The following ASCC3 variants were observed in gnomAD, a reference collection of about 807,000 sequenced individuals.
The protein encoded by ASCC3 is ASC-1 complex subunit P200.
ASCC3 carries 158 observed loss-of-function variants against 256.3 expected under a neutral mutation model. The observed-to-expected ratio is 0.62, with a 90% confidence interval of 0.54 to 0.70. The LOEUF is 0.70. ASCC3 is among the 30% of genes least tolerant of loss of function. The probability of loss-of-function intolerance (pLI) is 0.00; values close to 1 mark genes in which losing one functional copy is unlikely to be tolerated. For synonymous variants in ASCC3, 948 were observed against 883.4 expected (o/e 1.07, Z -1.30); for missense variants, 2,259 against 2,626.0 (o/e 0.86, Z 3.05).
chr6:100,679,500 C>T (rs1317304292), intron 14 of ASCC3, 118 bp downstream of exon 14: 15 of 1,419,062 alleles, frequency 1.1e-5, no homozygotes, highest in Non-Finnish European at 1.3e-5. Flanking sequence ...AAGATTATAA[C>T]ATCATAAATC....
chr6:100,754,191 T>G (rs766762793), intron 10 of ASCC3, among the ~76,000 whole-genome samples: 2 of 152,192 alleles, frequency 1.3e-5, no homozygotes, highest in African/African-American at 2.4e-5. Flanking sequence ...TAATTAGTCA[T>G]AAAATATAAC....
At chr6:100,514,428 T>C (rs1364129620) in intron 39 of ASCC3, among the ~76,000 whole-genome samples, 2 of 152,192 alleles carry the variant, frequency 1.3e-5, no homozygotes, top group African/African-American at 4.8e-5. Flanking sequence ...AGACTTGTTA[T>C]GTTTCTTTAC....
intron 13 of ASCC3, among the ~76,000 whole-genome samples, chr6:100,690,839 T>C (rs868427718): frequency 6.6e-6 from 1 of 152,136 alleles, no homozygotes; most frequent in Non-Finnish European, 1.5e-5. Flanking sequence ...AGCTCAGGAC[T>C]CTCATGCAGC....
At chr6:100,592,396 C>G (rs547034145) in intron 34 of ASCC3, among the ~76,000 whole-genome samples, 2 of 151,774 alleles carry the variant, frequency 1.3e-5, no homozygotes, top group South Asian at 4.1e-4. Flanking sequence ...CTGATCTTTA[C>G]CAAATACTAT....
intron 34 of ASCC3, among the ~76,000 whole-genome samples, chr6:100,599,406 A>G (rs1027369796): frequency 6.6e-6 from 1 of 152,186 alleles, no homozygotes; most frequent in African/African-American, 2.4e-5. Flanking sequence ...GACTGAGGAA[A>G]TATCACAGAC....
chr6:100,697,212 CAA>C (rs981993102), intron 13 of ASCC3, among the ~76,000 whole-genome samples: 1 of 151,210 alleles, frequency 6.6e-6, no homozygotes, highest in African/African-American at 2.4e-5. Flanking sequence ...TGAAACAAAA[CAA>C]GATAAAAATT....
chr6:100,846,927 G>C (rs1772412795), intron 4 of ASCC3, among the ~76,000 whole-genome samples: 1 of 152,042 alleles, frequency 6.6e-6, no homozygotes, highest in Admixed American at 6.6e-5. Context: ...GAACAAGTTT[G>C]CTATCTTATT....
chr6:100,591,929 T>G (rs2114776227), intron 34 of ASCC3, among the ~76,000 whole-genome samples: 1 of 152,032 alleles, frequency 6.6e-6, no homozygotes, highest in South Asian at 2.1e-4. Context: ...TTGAAAAAAT[T>G]ACAGGTTCTT....
intron 36 of ASCC3, among the ~76,000 whole-genome samples, chr6:100,586,925 G>T (rs1202945432): frequency 1.3e-5 from 2 of 152,048 alleles, no homozygotes; most frequent in African/African-American, 4.8e-5. Context: ...TTTTTCAGTT[G>T]TAATGTTATC....
chr6:100,576,963 T>G (rs1291335095), intron 36 of ASCC3, among the ~76,000 whole-genome samples: 1 of 151,082 alleles, frequency 6.6e-6, no homozygotes, highest in Non-Finnish European at 1.5e-5. Flanking sequence ...ACTGGAGTAG[T>G]TTCATATAAT....
chr6:100,767,314 C>T lies in ASCC3; in HGVS notation c.1427G>A (p.Arg476Lys). The change falls in exon 9 of 42, where the codon AGA becomes AAA. Residue 476 changes from arginine (R) to lysine (K), a missense_variant. Around this residue, in one of 2 missense-constraint regions of ASCC3, gnomAD observed 1,839 missense variants for 2,206.7 expected, o/e 0.83. Transcript: ENST00000369162. ...CACTATTGACTGGATTCTATTGAGT[C>T]TCTTCATTCCTTTAAAAGCCAGCTG... is the stretch of plus-strand genomic sequence containing the variant. ...IGQLAFKGMK[R>K]LNRIQSIVFE... 6.2e-7 allele frequency: 1 copy of T among 1,608,362 alleles called. No individual in the cohort carries two copies. Among genetic ancestry groups the T allele is most frequent in the South Asian group, 1.1e-5 (1 of 90,624 alleles).
chr6:100,694,441 A>G (rs1040516383), intron 13 of ASCC3, among the ~76,000 whole-genome samples: 3 of 152,122 alleles, frequency 2.0e-5, no homozygotes, highest in African/African-American at 7.2e-5. Flanking sequence ...CTATGATCAC[A>G]CTACTACACT....
At chr6:100,583,580 T>C (rs967703891) in intron 36 of ASCC3, among the ~76,000 whole-genome samples, 10 of 152,254 alleles carry the variant, frequency 6.6e-5, no homozygotes, top group Non-Finnish European at 1.2e-4. Context: ...TTTGTGTCTC[T>C]ATTTCCTTGA....
At chr6:100,674,982 G>A (rs1776935896) in intron 14 of ASCC3, among the ~76,000 whole-genome samples, 3 of 152,248 alleles carry the variant, frequency 2.0e-5, no homozygotes, top group Admixed American at 6.5e-5. Context: ...GTGATGAAAT[G>A]TGGCTTGAGG....
At chr6:100,551,732 C>G (rs1189541197) in intron 36 of ASCC3, among the ~76,000 whole-genome samples, 2 of 151,908 alleles carry the variant, frequency 1.3e-5, no homozygotes, top group Non-Finnish European at 2.9e-5. Flanking sequence ...AAATGTTTAT[C>G]AATTATCAAA....
At chr6:100,536,945 TGGG>T (rs1775193624) in intron 37 of ASCC3, among the ~76,000 whole-genome samples, 1 of 151,998 alleles carries the variant, frequency 6.6e-6, no homozygotes. Flanking sequence ...AGTAAATAAA[TGGG>T]GGAGAAGGGA....
chr6:100,766,801 T>A, intron 9 of ASCC3, 96 bp from the exon 10 acceptor site: 1 of 1,429,112 alleles, frequency 7.0e-7, no homozygotes, highest in Admixed American at 1.8e-5. Context: ...TTGTGAAATA[T>A]GTTTCTAACT....
intron 40 of ASCC3, 106 bp from the exon 41 acceptor site, chr6:100,510,213 T>C: frequency 8.8e-7 from 1 of 1,137,336 alleles, no homozygotes; most frequent in Non-Finnish European, 1.3e-6. Flanking sequence ...TACATCTACA[T>C]AGTTCAGCAT....
chr6:100,677,216 T>A (rs1272401317), intron 14 of ASCC3, among the ~76,000 whole-genome samples: 3 of 152,074 alleles, frequency 2.0e-5, no homozygotes, highest in Non-Finnish European at 4.4e-5. Flanking sequence ...GAGAAAATAT[T>A]GAGAAAGATG....
Sources: allele counts gnomAD v4.1 joint callset (sites outside exome capture counted in the v4.1 genomes callset), GRCh38; gene constraint gnomAD v4.1.1; regional missense constraint gnomAD v4.1.1; transcripts MANE v1.5; gene names NCBI Gene and HGNC (gene_info 2026-07-23, HGNC 2026-07-21).